The following DMD variants were observed in gnomAD, a reference collection of about 807,000 sequenced individuals.
DMD encodes mutant dystrophin.
A neutral mutation model predicts 330.1 loss-of-function variants in DMD; 63 were observed. That is an observed-to-expected ratio of 0.19 (90% CI 0.16 to 0.24). The LOEUF (loss-of-function observed/expected upper bound fraction) is 0.24. DMD is among the 10% of genes least tolerant of loss of function. The probability of loss-of-function intolerance (pLI) is 1.00; values close to 1 mark genes in which losing one functional copy is unlikely to be tolerated. For missense variants in DMD, 3,344 were observed against 2,684.1 expected, an observed-to-expected ratio of 1.25 and a Z score of -5.43; for synonymous variants, 1,223 against 959.8, an observed-to-expected ratio of 1.27 and a Z score of -5.07.
chrX:32,157,615 G>A (rs1366441494), intron 44 of DMD, among the ~76,000 whole-genome samples: 2 of 112,309 alleles, frequency 1.8e-5, no homozygotes, highest in Admixed American at 1.9e-4. Context: ...AGATGCAAAT[G>A]TATGCAGTTT....
intron 50 of DMD, among the ~76,000 whole-genome samples, chrX:31,807,432 A>T (rs1158526975): frequency 9.0e-6 from 1 of 111,368 alleles, no homozygotes; most frequent in Non-Finnish European, 1.9e-5. Flanking sequence ...CCTTGAATTG[A>T]CAGTTACAGA....
chrX:33,132,130 T>C (rs767974318), intron 1 of DMD, among the ~76,000 whole-genome samples: 1 of 112,245 alleles, frequency 8.9e-6, no homozygotes, highest in Admixed American at 9.5e-5. Context: ...AGGGGAGTTT[T>C]AGCATAACTG....
intron 47 of DMD, among the ~76,000 whole-genome samples, chrX:31,911,161 A>G (rs912359436): frequency 8.9e-6 from 1 of 112,195 alleles, no homozygotes; most frequent in Non-Finnish European, 1.9e-5. Context: ...TTCATGTCAG[A>G]GGTAACATTT....
chrX:31,214,484 CCTAA>C (rs1242768330), intron 64 of DMD, among the ~76,000 whole-genome samples: 3 of 111,872 alleles, frequency 2.7e-5, no homozygotes, highest in East Asian at 2.8e-4. Context: ...ATTTAATACA[CCTAA>C]CTAACTGAAA....
chrX:31,695,618 GAAT>G (rs2083411593), intron 52 of DMD, among the ~76,000 whole-genome samples: 1 of 110,390 alleles, frequency 9.1e-6, no homozygotes, highest in East Asian at 2.8e-4. Context: ...CTGTCATTTG[GAAT>G]AATAAGGATG....
intron 47 of DMD, among the ~76,000 whole-genome samples, chrX:31,878,346 T>C (rs2094000815): frequency 8.9e-6 from 1 of 112,095 alleles, no homozygotes; most frequent in Admixed American, 9.5e-5. Context: ...ACAAGCTCTG[T>C]TCCTAAATAT....
chrX:31,538,580 T>G (rs935843471), intron 55 of DMD, among the ~76,000 whole-genome samples: 2 of 112,085 alleles, frequency 1.8e-5, no homozygotes, highest in African/African-American at 6.5e-5. Context: ...TAATTTGAAT[T>G]TTTTGTATTA....
chrX:32,581,490 A>G (rs1342743792), intron 13 of DMD, among the ~76,000 whole-genome samples: 1 of 111,988 alleles, frequency 8.9e-6, no homozygotes, highest in Non-Finnish European at 1.9e-5. Flanking sequence ...ATTAAATACC[A>G]TAGGGACTAA....
intron 1 of DMD, among the ~76,000 whole-genome samples, chrX:33,100,748 CAG>C (rs1253602466): frequency 8.9e-6 from 1 of 111,900 alleles, no homozygotes; most frequent in African/African-American, 3.2e-5. Context: ...TCAATTAACT[CAG>C]AGTGTATTAA....
At chrX:31,322,176 A>G (rs1214534219) in intron 62 of DMD, among the ~76,000 whole-genome samples, 1 of 112,132 alleles carries the variant, frequency 8.9e-6, no homozygotes, top group Non-Finnish European at 1.9e-5. Flanking sequence ...AGCTTTATGA[A>G]TTGGTTGAAG....
intron 47 of DMD, among the ~76,000 whole-genome samples, chrX:31,889,632 C>G (rs1603539405): frequency 1.4e-5 from 1 of 69,941 alleles, no homozygotes; most frequent in African/African-American, 5.9e-5. Flanking sequence ...CTCTCTCTCT[C>G]TCTCTCTCTC....
At chrX:31,714,611 T>C (rs964456194) in intron 52 of DMD, among the ~76,000 whole-genome samples, 4 of 111,416 alleles carry the variant, frequency 3.6e-5, no homozygotes, top group African/African-American at 1.3e-4. Flanking sequence ...AAATTTTCAA[T>C]TGGAAATCTG....
At chrX:32,723,693 G>T (rs925041834) in intron 7 of DMD, among the ~76,000 whole-genome samples, 1 of 111,039 alleles carries the variant, frequency 9.0e-6, no homozygotes, top group Non-Finnish European at 1.9e-5. Flanking sequence ...TATTATGGAA[G>T]ATAATGGATA....
intron 55 of DMD, among the ~76,000 whole-genome samples, chrX:31,569,893 T>A (rs1042775187): frequency 8.1e-5 from 9 of 110,493 alleles, no homozygotes; most frequent in African/African-American, 2.9e-4. Flanking sequence ...GGTACCTATG[T>A]ATCTGAAAGT....
At chrX:32,482,587 A>C (rs1477605322) in intron 21 of DMD, among the ~76,000 whole-genome samples, 1 of 111,737 alleles carries the variant, frequency 8.9e-6, no homozygotes, top group East Asian at 2.8e-4. Flanking sequence ...CGTTTTGGCT[A>C]TTATGAATAA....
At chrX:32,858,630 A>C (rs1336663313) in intron 2 of DMD, among the ~76,000 whole-genome samples, 1 of 111,312 alleles carries the variant, frequency 9.0e-6, no homozygotes, top group African/African-American at 3.3e-5. Flanking sequence ...ACCTGGACTT[A>C]TGTAAAAGTA....
chrX:32,848,875 A>T lies in DMD; in HGVS notation c.186+853T>A, dbSNP rs779267958. Among the ~76,000 whole-genome samples, 3 of 111,391 alleles carry T rather than the reference A, an allele frequency of 2.7e-5. No individual in the cohort carries two copies. The South Asian group carries it at 1.2e-3, about 44-fold the overall frequency. On this transcript the variant is annotated intron_variant, in intron 3 of 78. Coordinates refer to ENST00000357033, the MANE Select transcript of DMD (RefSeq NM_004006.3). ...GAGATATCTGACAATATATACCGAGAAAAGAGTGGCTTAGCGTTAAGTGTT... is the reference window on the plus strand; with the variant it reads ...GAGATATCTGACAATATATACCGAGTAAAGAGTGGCTTAGCGTTAAGTGTT...
At chrX:32,168,540 T>TAA (rs67296978) in intron 44 of DMD, among the ~76,000 whole-genome samples, 15 of 78,541 alleles carry the variant, frequency 1.9e-4, no homozygotes, top group African/African-American at 2.6e-4. Flanking sequence ...ATGACAGTTA[T>TAA]AAAAAAAAAA....
chrX:32,862,768 A>T (rs1292219885), intron 2 of DMD, among the ~76,000 whole-genome samples: 1 of 110,379 alleles, frequency 9.1e-6, no homozygotes, highest in Admixed American at 9.7e-5. Context: ...TGTTGTTGAG[A>T]CTCTGTCACC....
Sources: gnomAD v4.1 joint callset for allele counts (sites outside exome capture counted in the v4.1 genomes callset) on GRCh38, gnomAD v4.1.1 for gene constraint, MANE v1.5 for transcripts, NCBI Gene and HGNC (gene_info 2026-07-23, HGNC 2026-07-21) for gene names.